Variants in SUGCT observed in about 807,000 individuals in gnomAD.
The protein encoded by SUGCT is succinyl-CoA:glutarate CoA-transferase.
SUGCT carries 41 observed loss-of-function variants against 55.0 expected under a neutral mutation model. The ratio of observed to expected loss-of-function variants is 0.74; its 90% CI spans 0.58 to 0.97. SUGCT has a LOEUF of 0.97. Ranked by LOEUF, SUGCT falls within the 50% of genes least tolerant of loss-of-function variation. The pLI is 0.00. For synonymous variants in SUGCT, 187 were observed against 200.4 expected (o/e 0.93, Z 0.56); for missense variants, 568 against 547.8 (o/e 1.04, Z -0.37).
chr7:41,004,695 T>G, the SUGCT span, among the ~76,000 whole-genome samples: 1 of 152,220 alleles, frequency 6.6e-6, no homozygotes, highest in African/African-American at 2.4e-5. Context: ...TCCCTGCTGT[T>G]TGAAAACATG....
At chr7:40,205,111 A>C (rs574510626) in intron 6 of SUGCT, among the ~76,000 whole-genome samples, 1 of 149,212 alleles carries the variant, frequency 6.7e-6, no homozygotes, top group Admixed American at 6.7e-5. Flanking sequence ...AAAATTAGCC[A>C]GGCGTGGTGG....
rs192771772 is a variant in SUGCT at position 40,715,563 on chromosome 7, A to G, written c.1090-33871A>G. 8.5e-4 allele frequency among the ~76,000 whole-genome samples: 130 copies of G among 152,272 alleles called. No homozygotes were observed. The East Asian group carries it at 0.011, about 13-fold the overall frequency. On this transcript the variant is annotated intron_variant, in intron 12 of 13. Coordinates refer to ENST00000335693, the MANE Select transcript of SUGCT (RefSeq NM_001193313.2). ...CTTTGCCCCCCCTCATGTGTTTTCT[A>G]TCTCAGTGGATGGGCACGAGCATCT...
At chr7:40,378,923 A>G (rs1193804154) in intron 9 of SUGCT, among the ~76,000 whole-genome samples, 5 of 152,214 alleles carry the variant, frequency 3.3e-5, no homozygotes, top group Admixed American at 2.0e-4. Flanking sequence ...GGCTTATATG[A>G]GAAAAGTGTG....
At chr7:40,272,097 AT>A (rs1792074729) in intron 7 of SUGCT, among the ~76,000 whole-genome samples, 1 of 96,020 alleles carries the variant, frequency 1.0e-5, no homozygotes, top group Non-Finnish European at 2.1e-5. Context: ...CTCTCTCTCT[AT>A]ATATATATAT....
intron 13 of SUGCT, among the ~76,000 whole-genome samples, chr7:40,779,262 A>T (rs960337970): frequency 1.3e-5 from 2 of 152,190 alleles, no homozygotes; most frequent in Non-Finnish European, 2.9e-5. Flanking sequence ...ATATTTCCTA[A>T]GCAGAGCTGA....
chr7:41,009,208 T>TAAAAA, the SUGCT span, among the ~76,000 whole-genome samples: 1 of 103,312 alleles, frequency 9.7e-6, no homozygotes, highest in South Asian at 3.5e-4. Flanking sequence ...TGTCTCTCTC[T>TAAAAA]AAAAAAAAAA....
chr7:41,026,274 G>C, the SUGCT span, among the ~76,000 whole-genome samples: 2 of 152,174 alleles, frequency 1.3e-5, no homozygotes, highest in South Asian at 2.1e-4. Context: ...TGTGCTGAAG[G>C]GGGTATGTTT....
chr7:40,834,851 G>A (rs1020759083), intron 13 of SUGCT, among the ~76,000 whole-genome samples: 3 of 152,292 alleles, frequency 2.0e-5, no homozygotes, highest in Middle Eastern at 3.4e-3. Context: ...ATTCAAGCCT[G>A]TAACAAGTGT....
At chr7:40,209,354 C>T (rs764413976) in intron 6 of SUGCT, among the ~76,000 whole-genome samples, 39 of 151,906 alleles carry the variant, frequency 2.6e-4, no homozygotes, top group East Asian at 3.9e-4. Flanking sequence ...AAAAATTAGC[C>T]GAGCGTGGTG....
intron 9 of SUGCT, among the ~76,000 whole-genome samples, chr7:40,445,627 A>C (rs369784224): frequency 6.6e-6 from 1 of 152,124 alleles, no homozygotes; most frequent in African/African-American, 2.4e-5. Flanking sequence ...AAAAGAGGGA[A>C]TCCTCCCTAA....
chr7:40,374,446 C>T (rs1261511274), intron 9 of SUGCT, among the ~76,000 whole-genome samples: 1 of 152,100 alleles, frequency 6.6e-6, no homozygotes, highest in African/African-American at 2.4e-5. Context: ...TTTTCCCTTT[C>T]CATCAAGTGG....
chr7:40,402,317 A>G (rs922129477), intron 9 of SUGCT, among the ~76,000 whole-genome samples: 1 of 152,156 alleles, frequency 6.6e-6, no homozygotes, highest in Non-Finnish European at 1.5e-5. Context: ...CATTGTCAAG[A>G]TGAGTGAACA....
intron 12 of SUGCT, among the ~76,000 whole-genome samples, chr7:40,546,177 T>C (rs1479624049): frequency 1.3e-5 from 2 of 152,314 alleles, no homozygotes; most frequent in East Asian, 3.9e-4. Context: ...GGGAAAAGAA[T>C]TCACACGTAT....
At chr7:40,799,142 A>C (rs1428215486) in intron 13 of SUGCT, among the ~76,000 whole-genome samples, 1 of 152,168 alleles carries the variant, frequency 6.6e-6, no homozygotes, top group Non-Finnish European at 1.5e-5. Flanking sequence ...CCAAAAGGGC[A>C]CCAGAGCTAC....
At chr7:40,421,767 G>A (rs1787320889) in intron 9 of SUGCT, among the ~76,000 whole-genome samples, 1 of 152,180 alleles carries the variant, frequency 6.6e-6, no homozygotes, top group South Asian at 2.1e-4. Context: ...GCTTCCTTGA[G>A]AAGTCTCCAG....
intron 8 of SUGCT, among the ~76,000 whole-genome samples, chr7:40,309,802 G>C (rs1416297199): frequency 1.3e-5 from 2 of 151,682 alleles, no homozygotes; most frequent in African/African-American, 4.9e-5. Flanking sequence ...GAGGGACACA[G>C]GTACCAATGG....
intron 12 of SUGCT, among the ~76,000 whole-genome samples, chr7:40,531,286 A>G (rs1794068310): frequency 1.3e-5 from 2 of 152,200 alleles, no homozygotes; most frequent in African/African-American, 4.8e-5. Context: ...AACTAGTGTT[A>G]TGCTTATTTT....
chr7:40,646,910 T>C (rs761142072), intron 12 of SUGCT, among the ~76,000 whole-genome samples: 1 of 152,214 alleles, frequency 6.6e-6, no homozygotes, highest in Non-Finnish European at 1.5e-5. Flanking sequence ...GTTGCATGAA[T>C]GAATCAGGGT....
At chr7:40,834,531 G>A (rs2128781694) in intron 13 of SUGCT, among the ~76,000 whole-genome samples, 1 of 152,188 alleles carries the variant, frequency 6.6e-6, no homozygotes, top group East Asian at 1.9e-4. Flanking sequence ...TTATTGGTGG[G>A]GTTACTAAAA....
Sources: allele counts gnomAD v4.1 joint callset (sites outside exome capture counted in the v4.1 genomes callset), GRCh38; gene constraint gnomAD v4.1.1; transcripts MANE v1.5; gene names NCBI Gene and HGNC (gene_info 2026-07-23, HGNC 2026-07-21).